The following CATSPERE variants were observed in gnomAD, a reference collection of about 807,000 sequenced individuals.
The protein encoded by CATSPERE is cation channel sperm-associated auxiliary subunit epsilon.
In CATSPERE, 93 loss-of-function variants were observed where a neutral mutation model predicts 114.1. That is an observed-to-expected ratio of 0.81 (90% CI 0.69 to 0.97). The LOEUF is 0.97. CATSPERE is among the 50% of genes least tolerant of loss of function. The pLI is 0.00. For missense variants in CATSPERE, 1,058 were observed against 1,131.6 expected, an observed-to-expected ratio of 0.93 and a Z score of 0.93; for synonymous variants, 341 against 384.1, an observed-to-expected ratio of 0.89 and a Z score of 1.31.
At position 244,596,687 on chromosome 1, in the gene CATSPERE, G is replaced by C. The variant is rs529641190; in HGVS notation, c.2303+3109G>C. Reference sequence around the variant, plus strand: ...GGGCTTAAAACCTAGATGATGGCTTGATAGGCGCAGCAAACCACCATGGCA... The same window carrying C: ...GGGCTTAAAACCTAGATGATGGCTTCATAGGCGCAGCAAACCACCATGGCA... On this transcript the variant is annotated intron_variant, in intron 17 of 21. Transcript: ENST00000366534. Among the ~76,000 whole-genome samples, 31 of 151,664 alleles carry C rather than the reference G, an allele frequency of 2.0e-4. No homozygotes were observed. In the South Asian group the frequency reaches 5.6e-3, roughly 27 times the overall value.
chr1:244,493,649 C>A (rs1288653946), intron 6 of CATSPERE, among the ~76,000 whole-genome samples: 1 of 152,160 alleles, frequency 6.6e-6, no homozygotes, highest in Non-Finnish European at 1.5e-5. Flanking sequence ...AAACTACCAT[C>A]AGAGTGAACA....
chr1:244,516,335 T>TTTTG (rs57682756), intron 7 of CATSPERE, among the ~76,000 whole-genome samples: 17,307 of 151,060 alleles, frequency 0.11, 1,563 homozygotes, highest in African/African-American at 0.25. Flanking sequence ...ATCAAGAGAG[T>TTTTG]TTTGTTTGTT....
chr1:244,466,561 AT>A (rs1273202399), intron 2 of CATSPERE, among the ~76,000 whole-genome samples: 3 of 152,146 alleles, frequency 2.0e-5, no homozygotes, highest in African/African-American at 4.8e-5. Flanking sequence ...CACTTGTCAT[AT>A]TATCCCTGTC....
At chr1:244,493,496 C>T (rs1380531944) in intron 6 of CATSPERE, among the ~76,000 whole-genome samples, 3 of 152,040 alleles carry the variant, frequency 2.0e-5, no homozygotes, top group Non-Finnish European at 4.4e-5. Context: ...CCATAAAAAC[C>T]CTAGAAGAAA....
intron 7 of CATSPERE, among the ~76,000 whole-genome samples, chr1:244,510,835 C>CTTTTTTTTTTTTTTTTTTTTT (rs747921082): frequency 1.6e-3 from 78 of 48,328 alleles, no homozygotes; most frequent in South Asian, 2.2e-3. Flanking sequence ...TTTTCTTTTT[C>CTTTTTTTTTTTTTTTTTTTTT]TTTTTTTTTT....
At chr1:244,577,004 C>T (rs937897895) in intron 11 of CATSPERE, among the ~76,000 whole-genome samples, 3 of 152,182 alleles carry the variant, frequency 2.0e-5, no homozygotes, top group African/African-American at 4.8e-5. Flanking sequence ...TTCTTCATCT[C>T]CTTTCTTATG....
At chr1:244,475,302 C>T (rs925390964) in intron 2 of CATSPERE, among the ~76,000 whole-genome samples, 14 of 151,278 alleles carry the variant, frequency 9.3e-5, no homozygotes, top group African/African-American at 3.2e-4. Flanking sequence ...GGTATGATCT[C>T]GGCTCACTGC....
intron 17 of CATSPERE, among the ~76,000 whole-genome samples, chr1:244,594,325 A>C (rs1043713100): frequency 6.6e-6 from 1 of 152,336 alleles, no homozygotes; most frequent in African/African-American, 2.4e-5. Context: ...GTCTCAAAAA[A>C]CAAAAACGAA....
intron 19 of CATSPERE, among the ~76,000 whole-genome samples, chr1:244,617,306 T>C (rs1166508951): frequency 6.6e-6 from 1 of 152,234 alleles, no homozygotes; most frequent in Non-Finnish European, 1.5e-5. Flanking sequence ...AACACTCTAA[T>C]GTAATTGTTT....
intron 5 of CATSPERE, among the ~76,000 whole-genome samples, chr1:244,481,538 T>C (rs1034142596): frequency 2.6e-5 from 4 of 152,186 alleles, no homozygotes; most frequent in Non-Finnish European, 5.9e-5. Context: ...CCAAATGGGC[T>C]ACTTTCTCTT....
At chr1:244,468,384 A>G (rs1453969064) in intron 2 of CATSPERE, among the ~76,000 whole-genome samples, 3 of 152,050 alleles carry the variant, frequency 2.0e-5, no homozygotes, top group African/African-American at 7.2e-5. Context: ...GAACCACCAC[A>G]CCCAGCCTTA....
At chr1:244,492,473 C>A (rs531298208) in intron 6 of CATSPERE, among the ~76,000 whole-genome samples, 1 of 147,978 alleles carries the variant, frequency 6.8e-6, no homozygotes, top group Non-Finnish European at 1.5e-5. Context: ...CTATGACAAA[C>A]CCACAGCCAA....
chr1:244,518,378 T>C (rs1375570020), intron 7 of CATSPERE, among the ~76,000 whole-genome samples: 1 of 152,184 alleles, frequency 6.6e-6, no homozygotes, highest in Non-Finnish European at 1.5e-5. Context: ...TTTTGACGAG[T>C]TGGAAACTAT....
intron 2 of CATSPERE, among the ~76,000 whole-genome samples, chr1:244,469,280 G>A (rs1029452959): frequency 6.6e-6 from 1 of 151,982 alleles, no homozygotes; most frequent in African/African-American, 2.4e-5. Context: ...ATAAAAGTAT[G>A]GAGTACATAT....
chr1:244,531,768 A>G (rs1002250023), intron 8 of CATSPERE, among the ~76,000 whole-genome samples: 10 of 152,174 alleles, frequency 6.6e-5, no homozygotes, highest in African/African-American at 2.2e-4. Flanking sequence ...AGTCTTCATC[A>G]GGGATATTGA....
intron 13 of CATSPERE, among the ~76,000 whole-genome samples, chr1:244,584,848 C>T (rs949979802): frequency 2.6e-5 from 4 of 152,148 alleles, no homozygotes; most frequent in Non-Finnish European, 2.9e-5. Context: ...TGCAGACACA[C>T]GCTGCTTCCC....
At chr1:244,549,427 A>C (rs1660258020) in intron 8 of CATSPERE, among the ~76,000 whole-genome samples, 1 of 147,798 alleles carries the variant, frequency 6.8e-6, no homozygotes, top group East Asian at 1.9e-4. Flanking sequence ...ATGTCTATAT[A>C]TATATATAGA....
chr1:244,521,345 C>A (rs938693378), intron 8 of CATSPERE, among the ~76,000 whole-genome samples: 3 of 151,950 alleles, frequency 2.0e-5, no homozygotes, highest in Non-Finnish European at 4.4e-5. Context: ...TAGAGTGAGA[C>A]CTTGTCTCTA....
intron 6 of CATSPERE, among the ~76,000 whole-genome samples, chr1:244,493,431 C>A (rs1449576055): frequency 1.3e-5 from 2 of 152,182 alleles, no homozygotes; most frequent in Admixed American, 6.5e-5. Flanking sequence ...CTTCCTTACA[C>A]CTTATACAAA....
Sources: allele counts gnomAD v4.1 joint callset (sites outside exome capture counted in the v4.1 genomes callset), GRCh38; gene constraint gnomAD v4.1.1; transcripts MANE v1.5; gene names NCBI Gene and HGNC (gene_info 2026-07-23, HGNC 2026-07-21).